ZNF776: variants seen among roughly 807,000 people sequenced by gnomAD.
ZNF776 encodes zinc finger protein 776.
In ZNF776, 4 loss-of-function variants were observed where a neutral mutation model predicts 7.0. That is an observed-to-expected ratio of 0.57 (90% CI 0.28 to 1.31). The LOEUF is 1.31. Ranked by LOEUF, ZNF776 falls within the 50% of genes most tolerant of loss-of-function variation. The pLI, the probability that ZNF776 is intolerant of heterozygous loss-of-function variation, is 0.10. For synonymous variants in ZNF776, 212 were observed against 213.7 expected, an observed-to-expected ratio of 0.99 and a Z score of 0.07; for missense variants, 555 against 625.9, an observed-to-expected ratio of 0.89 and a Z score of 1.21.
chr19:57,752,761 AT>A (rs1400908314), intron 2 of ZNF776, among the ~76,000 whole-genome samples: 5 of 152,114 alleles, frequency 3.3e-5, no homozygotes, highest in African/African-American at 1.2e-4. Context: ...ACCTGGACCC[AT>A]TTTTCTCACA....
At position 57,751,868 on chromosome 19, in the gene ZNF776, G is replaced by GTTTTTTTTTTTTTTT. The variant is rs768825787; in HGVS notation, c.160+965_160+979dup. Among the ~76,000 whole-genome samples, 8 of 67,506 alleles carry GTTTTTTTTTTTTTTT rather than the reference G, an allele frequency of 1.2e-4. 1 individual carries two copies. Among genetic ancestry groups the GTTTTTTTTTTTTTTT allele is most frequent in the South Asian group, 1.4e-3 (2 of 1,472 alleles). 44.3% of individuals were successfully genotyped at this position (67,506 alleles called of 152,430 possible). ...TTTGTTCATTTGTATTTTTGGTTTT[G>GTTTTTTTTTTTTTTT]TTTTTTTTTTTTTTTTTTTTTTGAG... is the stretch of plus-strand genomic sequence containing the variant. On this transcript the variant is annotated intron_variant, in intron 2 of 2. Coordinates refer to ENST00000317178, the MANE Select transcript of ZNF776 (RefSeq NM_173632.4).
intron 1 of ZNF776, among the ~76,000 whole-genome samples, chr19:57,750,134 T>G (rs965091439): frequency 6.6e-6 from 1 of 151,916 alleles, no homozygotes; most frequent in African/African-American, 2.4e-5. Context: ...AAGAATGATG[T>G]GTATTTTGGC....
Position 57,753,986 on chromosome 19 carries a change from C to T in ZNF776, c.856C>T (p.His286Tyr), listed in dbSNP as rs751252816. ...KAHLTEHQRV[H>Y]TGERPYECGE... Reference sequence around the variant, plus strand: ...CCACCTCACTGAACACCAGAGAGTTCACACTGGAGAAAGACCTTATGAGTG... The same window carrying T: ...CCACCTCACTGAACACCAGAGAGTTTACACTGGAGAAAGACCTTATGAGTG... Residue 286 changes from histidine (H) to tyrosine (Y), a missense_variant, in exon 3 of 3, where the codon CAC becomes TAC. Physicochemically the swap from His to Tyr is moderately conservative, Grantham distance 83. Transcript: ENST00000317178. 3 of 1,614,218 alleles carry T rather than the reference C, an allele frequency of 1.9e-6. No individual in the cohort carries two copies. The South Asian group carries it at 3.3e-5, about 18-fold the overall frequency.
chr19:57,757,307 G>A lies in ZNF776; in HGVS notation c.*2620G>A, dbSNP rs553231375. ...CCTCCATAATTATGAATCTAGTGTA[G>A]CTTAGGTCATTGTCAGACTAAATCT... On this transcript the variant is annotated 3_prime_UTR_variant, in exon 3 of 3. Coordinates refer to ENST00000317178, the MANE Select transcript of ZNF776 (RefSeq NM_173632.4). The A allele has an allele frequency of 3.5e-4, 54 of 153,360 alleles. No homozygotes were observed. Among genetic ancestry groups the A allele is most frequent in the Non-Finnish European group, 6.4e-4 (44 of 68,762 alleles). The allele number at this position is 153,360 out of a possible 1,614,324, so 9.5% of individuals were successfully genotyped here.
chr19:57,748,945 T>G (rs1323130876), intron 1 of ZNF776, among the ~76,000 whole-genome samples: 1 of 151,754 alleles, frequency 6.6e-6, no homozygotes, highest in African/African-American at 2.4e-5. Flanking sequence ...TCTTGGGCCT[T>G]AAATGGATTA....
chr19:57,749,491 T>C (rs1468161787), intron 1 of ZNF776, among the ~76,000 whole-genome samples: 2 of 152,224 alleles, frequency 1.3e-5, no homozygotes, highest in Non-Finnish European at 2.9e-5. Context: ...TATTGGATCC[T>C]GTTTGAATAT....
Position 57,757,544 on chromosome 19 carries a change from C to A in ZNF776, c.*2857C>A, listed in dbSNP as rs1040695558. ...CACAGGCTAATTGCCCCCCTTAGGG[C>A]GTGATGAGAGTTAGGAGAGTCAATG... On this transcript the variant is annotated 3_prime_UTR_variant, in exon 3 of 3. Transcript: ENST00000317178. 2.6e-5 allele frequency: 4 copies of A among 152,150 alleles called. No homozygotes were observed. The highest frequency in any genetic ancestry group is 9.7e-5 in the African/African-American group (4 of 41,434). The allele number at this position is 152,150 out of a possible 1,614,324, so 9.4% of individuals were successfully genotyped here. A position where few individuals can be genotyped will look rare whatever the true frequency, so the allele number is the denominator to read the frequency against.
At position 57,754,434 on chromosome 19, in the gene ZNF776, G is replaced by A; in HGVS notation, c.1304G>A (p.Arg435Lys). 1.2e-6 allele frequency: 2 copies of A among 1,613,922 alleles called. No homozygotes were observed. Among genetic ancestry groups the A allele is most frequent in the Non-Finnish European group, 1.7e-6 (2 of 1,179,996 alleles). ...ACTGGAGAAAGGCCATATGAGTGTA[G>A]AGAATGTGGGAAATGTTTTCATCAA... The part of the protein sequence containing the change: ...VHTGERPYEC[R>K]ECGKCFHQKG... The change falls in exon 3 of 3, where the codon AGA becomes AAA. Residue 435 changes from arginine to lysine, a missense_variant. Transcript: ENST00000317178.
Position 57,754,626 on chromosome 19 carries a change from A to G in ZNF776, c.1496A>G (p.Gln499Arg), listed in dbSNP as rs1469631403. ...GGAGAATGTGGAAAGTGTTTTCGTC[A>G]AAAGGGAAACCTCATTAAACATCAA... ...ECGECGKCFRQKGNLIKHQRV... is the reference protein window; with the variant it reads ...ECGECGKCFRRKGNLIKHQRV... The change falls in exon 3 of 3, where the codon CAA becomes CGA. Residue 499 changes from glutamine (Q) to arginine (R), a missense_variant. Gln to Arg is a conservative substitution (Grantham distance 43). Coordinates refer to ENST00000317178, the MANE Select transcript of ZNF776 (RefSeq NM_173632.4). The G allele has an allele frequency of 1.2e-6, 2 of 1,614,164 alleles. No homozygotes were observed. The highest frequency in any genetic ancestry group is 1.7e-6 in the Non-Finnish European group (2 of 1,180,004).
chr19:57,753,764 G>A lies in ZNF776; in HGVS notation c.634G>A (p.Glu212Lys). Residue 212 changes from glutamate to lysine, a missense_variant, in exon 3 of 3, where the codon GAG (glutamate) becomes AAG (lysine). Physicochemically the swap from Glu to Lys is moderately conservative, Grantham distance 56. Transcript: ENST00000317178. ...QGGKTHYICG[E>K]STIPFSNKHS... Reference sequence around the variant, plus strand: ...TGGAAAAACTCATTACATCTGTGGAGAGTCCACAATACCGTTTAGCAACAA... The same window carrying A: ...TGGAAAAACTCATTACATCTGTGGAAAGTCCACAATACCGTTTAGCAACAA... 6.2e-7 allele frequency: 1 copy of A among 1,614,228 alleles called. No individual in the cohort carries two copies. The highest frequency in any genetic ancestry group is 8.5e-7 in the Non-Finnish European group (1 of 1,180,048).
rs1449939093 is a variant in ZNF776, at chr19:57,754,301, C to G, written c.1171C>G (p.Leu391Val). ...CGKLFRSNSHLKEHQRVHTGE... is the reference protein window; with the variant it reads ...CGKLFRSNSHVKEHQRVHTGE... ...GAAGTTATTTAGGAGCAACTCCCAC[C>G]TAAAGGAACACCAGAGAGTTCACAC... The change falls in exon 3 of 3, where the codon CTA becomes GTA. Residue 391 changes from leucine to valine, a missense_variant. Transcript: ENST00000317178. The G allele has an allele frequency of 1.2e-6, 2 of 1,614,032 alleles. No individual in the cohort carries two copies. The highest frequency in any genetic ancestry group is 3.3e-5 in the Admixed American group (2 of 60,010).
At chr19:57,748,280 G>A (rs1357301238) in intron 1 of ZNF776, among the ~76,000 whole-genome samples, 2 of 152,182 alleles carry the variant, frequency 1.3e-5, no homozygotes, top group African/African-American at 4.8e-5. Context: ...GAGCAATCAG[G>A]ATCCCGAGGT....
At position 57,746,864 on chromosome 19, in the gene ZNF776, G is replaced by A. The variant is rs1986445345; in HGVS notation, c.-195G>A. On this transcript the variant is annotated 5_prime_UTR_variant, in exon 1 of 3. Transcript: ENST00000317178. ...GTGTATTTTCCAGTGAGAGACCGCG[G>A]AGTGTTGGGTCGTGTAGAAGTGACT... 1 of 469,730 alleles carries A rather than the reference G, an allele frequency of 2.1e-6. No individual in the cohort carries two copies. The highest frequency in any genetic ancestry group is 3.8e-6 in the Non-Finnish European group (1 of 262,616). 29.1% of individuals were successfully genotyped at this position (469,730 alleles called of 1,614,324 possible).
In ZNF776 at chr19:57,753,315, A is replaced by C. The variant is rs769907451; in HGVS notation, c.185A>C (p.Glu62Ala). The change falls in exon 3 of 3, where the codon GAG (glutamate) becomes GCG (alanine). Residue 62 changes from glutamate to alanine, a missense_variant. By Grantham distance (107) the Glu-to-Ala change is moderately radical. Transcript: ENST00000317178. Reference protein sequence around the residue: ...SLGCWYGAKDETPSKQTLSIQ... With the variant: ...SLGCWYGAKDATPSKQTLSIQ... ...GGTTGTTGGTATGGAGCAAAAGACG[A>C]GACACCTTCTAAGCAGACCCTTTCT... 6.2e-7 allele frequency: 1 copy of C among 1,610,050 alleles called. No individual in the cohort carries two copies. The highest frequency in any genetic ancestry group is 1.3e-5 in the African/African-American group (1 of 74,896).
chr19:57,757,088 C>T lies in ZNF776; in HGVS notation c.*2401C>T, dbSNP rs183141988. On this transcript the variant is annotated 3_prime_UTR_variant, in exon 3 of 3. Coordinates refer to ENST00000317178, the MANE Select transcript of ZNF776 (RefSeq NM_173632.4). ...TGGCCTCAAGTAATCCTCTAGCATA[C>T]GCCCTTGAAAGCACTAGGATTACAG... 183 of 238,482 alleles carry T rather than the reference C, an allele frequency of 7.7e-4. 1 individual carries two copies. The highest frequency in any genetic ancestry group is 5.0e-3 in the Admixed American group (96 of 19,158). 14.8% of individuals were successfully genotyped at this position (238,482 alleles called of 1,614,324 possible). A position where few individuals can be genotyped will look rare whatever the true frequency, so the allele number is the denominator to read the frequency against.
intron 2 of ZNF776, 67 bp from the exon 3 acceptor site, chr19:57,753,224 A>G (rs1986657349): frequency 6.9e-7 from 1 of 1,439,016 alleles, no homozygotes; most frequent in South Asian, 1.3e-5. Context: ...GCTGTTGATC[A>G]GGTATGGCTT....
chr19:57,747,173 A>G, intron 1 of ZNF776, 82 bp downstream of exon 1: 1 of 1,458,768 alleles, frequency 6.9e-7, no homozygotes, highest in Non-Finnish European at 9.3e-7. Flanking sequence ...CGCCTGCTCA[A>G]GGTTTTACAC....
rs781298479 is a variant in ZNF776, at chr19:57,754,504, G to T, written c.1374G>T (p.Arg458Ser). 1 of 1,614,108 alleles carries T rather than the reference G, an allele frequency of 6.2e-7. No individual in the cohort carries two copies. Among genetic ancestry groups the T allele is most frequent in the Non-Finnish European group, 8.5e-7 (1 of 1,180,006 alleles). The change falls in exon 3 of 3, where the codon AGG (arginine) becomes AGT (serine). Residue 458 changes from arginine to serine, a missense_variant. Transcript: ENST00000317178. Reference sequence around the variant, plus strand: ...ATCAGCAGATCCACTCTGGAGAAAGGCCACATGAGTGTGGAGAATGTGGGA... The same window carrying T: ...ATCAGCAGATCCACTCTGGAGAAAGTCCACATGAGTGTGGAGAATGTGGGA... The part of the protein sequence containing the change: ...IQHQQIHSGE[R>S]PHECGECGKC...
Position 57,746,922 on chromosome 19 carries a change from G to T in ZNF776, c.-137G>T. On this transcript the variant is annotated 5_prime_UTR_variant, in exon 1 of 3. Transcript: ENST00000317178. ...GAAGGTGGAGACGAGACGTTGTCCC[G>T]ACTGCACAGAGGCTGCTCTGCAGCT... 1.2e-6 allele frequency: 1 copy of T among 820,476 alleles called. No individual in the cohort carries two copies. Among genetic ancestry groups the T allele is most frequent in the South Asian group, 2.0e-5 (1 of 50,530 alleles). The allele number at this position is 820,476 out of a possible 1,614,324, so 50.8% of individuals were successfully genotyped here. A position where few individuals can be genotyped will look rare whatever the true frequency, so the allele number is the denominator to read the frequency against.
Sources: allele counts gnomAD v4.1 joint callset (sites outside exome capture counted in the v4.1 genomes callset), GRCh38; gene constraint gnomAD v4.1.1; transcripts MANE v1.5; gene names NCBI Gene and HGNC (gene_info 2026-07-23, HGNC 2026-07-21).